LOC400499: variants seen among roughly 807,000 people sequenced by gnomAD.
chr16:11,504,821 G>C, the LOC400499 span, among the ~76,000 whole-genome samples: 9,182 of 152,154 alleles, frequency 0.06, 748 homozygotes, highest in African/African-American at 0.18. Context: ...TATTCAAGAG[G>C]CTGAGACAGG....
At chr16:11,493,373 G>C in the LOC400499 span, among the ~76,000 whole-genome samples, 1 of 152,202 alleles carries the variant, frequency 6.6e-6, no homozygotes. Context: ...GGGCCAGGTA[G>C]TGGCCCATGG....
the LOC400499 span, chr16:11,384,015 G>A: frequency 8.1e-7 from 1 of 1,231,818 alleles, no homozygotes; most frequent in Non-Finnish European, 1.0e-6. Flanking sequence ...CCACCTGGCA[G>A]GATGGATGCA....
At chr16:11,439,512 G>T in the LOC400499 span, 1 of 399,100 alleles carries the variant, frequency 2.5e-6, no homozygotes, top group Non-Finnish European at 4.4e-6. Flanking sequence ...GGAAATGTTG[G>T]TCCGTGAGGA....
At chr16:11,508,455 C>T in the LOC400499 span, among the ~76,000 whole-genome samples, 6 of 152,240 alleles carry the variant, frequency 3.9e-5, no homozygotes, top group South Asian at 2.1e-4. Flanking sequence ...GTTGTGTGCT[C>T]GTAGACAGAC....
the LOC400499 span, among the ~76,000 whole-genome samples, chr16:11,474,791 C>G: frequency 6.6e-6 from 1 of 152,028 alleles, no homozygotes; most frequent in East Asian, 1.9e-4. Flanking sequence ...ACCACTTGAG[C>G]CTGGGGAGAT....
At chr16:11,450,089 G>A in the LOC400499 span, among the ~76,000 whole-genome samples, 3 of 152,106 alleles carry the variant, frequency 2.0e-5, no homozygotes, top group Non-Finnish European at 2.9e-5. Context: ...TGCTGCCCTC[G>A]GATGAGCCCA....
At chr16:11,427,120 G>A in the LOC400499 span, among the ~76,000 whole-genome samples, 1 of 151,694 alleles carries the variant, frequency 6.6e-6, no homozygotes, top group African/African-American at 2.4e-5. Context: ...CACTTTGGGA[G>A]GCCTAGGAGG....
the LOC400499 span, among the ~76,000 whole-genome samples, chr16:11,488,150 C>T: frequency 4.4e-4 from 67 of 151,856 alleles, 1 homozygote; most frequent in East Asian, 0.012. Context: ...TCGTTACCCG[C>T]CTCTTGGTGT....
the LOC400499 span, chr16:11,457,263 C>A: frequency 3.1e-5 from 16 of 522,396 alleles, no homozygotes; most frequent in South Asian, 4.1e-4. Context: ...TGAAATAGTG[C>A]AGCTACTGTG....
chr16:11,432,453 G>A, the LOC400499 span, among the ~76,000 whole-genome samples: 1 of 152,182 alleles, frequency 6.6e-6, no homozygotes, highest in Non-Finnish European at 1.5e-5. Flanking sequence ...ATATACAGAT[G>A]AGGAAACAGG....
the LOC400499 span, among the ~76,000 whole-genome samples, chr16:11,420,541 A>G: frequency 2.0e-5 from 3 of 150,998 alleles, no homozygotes; most frequent in South Asian, 4.2e-4. Flanking sequence ...ACATGTATAC[A>G]TATGTAACTA....
chr16:11,496,851 C>T, the LOC400499 span, among the ~76,000 whole-genome samples: 9 of 150,926 alleles, frequency 6.0e-5, no homozygotes, highest in East Asian at 3.9e-4. Context: ...TGTATATCTG[C>T]ATCTCCAGGT....
chr16:11,452,175 C>A, the LOC400499 span, among the ~76,000 whole-genome samples: 2 of 148,650 alleles, frequency 1.3e-5, no homozygotes, highest in Admixed American at 6.7e-5. Flanking sequence ...CCCTCCAGAA[C>A]ATCTGTCTGG....
the LOC400499 span, among the ~76,000 whole-genome samples, chr16:11,436,955 A>G: frequency 3.3e-5 from 5 of 152,130 alleles, no homozygotes; most frequent in Admixed American, 2.6e-4. Flanking sequence ...AAAACATGAT[A>G]CACCCAGACA....
the LOC400499 span, among the ~76,000 whole-genome samples, chr16:11,513,260 C>A: frequency 1.7e-4 from 26 of 151,790 alleles, no homozygotes; most frequent in African/African-American, 5.8e-4. Flanking sequence ...AAAAAATTAG[C>A]CAGGCATGGT....
the LOC400499 span, among the ~76,000 whole-genome samples, chr16:11,492,641 C>T: frequency 1.6e-4 from 25 of 152,034 alleles, 1 homozygote; most frequent in South Asian, 4.2e-3. Context: ...AAAAATTAGC[C>T]GGGCGTGGTG....
chr16:11,517,358 A>G, the LOC400499 span, among the ~76,000 whole-genome samples: 1 of 152,226 alleles, frequency 6.6e-6, no homozygotes, highest in Admixed American at 6.5e-5. Flanking sequence ...AAAAAAATCT[A>G]TCTACCTCTT....
the LOC400499 span, chr16:11,389,979 G>C: frequency 1.9e-6 from 1 of 514,894 alleles, no homozygotes; most frequent in Admixed American, 4.4e-5. Context: ...TGTAAAACGA[G>C]GAGAGAAGAA....
At chr16:11,393,529 G>T in the LOC400499 span, 18 of 1,232,328 alleles carry the variant, frequency 1.5e-5, no homozygotes, top group Non-Finnish European at 1.6e-5. Context: ...CGGCCCAGTA[G>T]GCCAACCCGC....
Sources: allele counts gnomAD v4.1 joint callset (sites outside exome capture counted in the v4.1 genomes callset), GRCh38; gene constraint gnomAD v4.1.1; transcripts MANE v1.5.